CARMIL1: variants seen among roughly 807,000 people sequenced by gnomAD.
CARMIL1 encodes the protein capping protein regulator and myosin 1 linker 1.
A neutral mutation model predicts 177.1 loss-of-function variants in CARMIL1; 90 were observed. The observed-to-expected ratio is 0.51, with a 90% CI of 0.43 to 0.61. CARMIL1 has a LOEUF of 0.61. CARMIL1 is among the 20% of genes least tolerant of loss of function. The probability of loss-of-function intolerance (pLI) is 0.00; values close to 1 mark genes in which losing one functional copy is unlikely to be tolerated. For missense variants in CARMIL1, 1,380 were observed against 1,667.0 expected (o/e 0.83, Z 3.00); for synonymous variants, 577 against 606.2 (o/e 0.95, Z 0.71).
chr6:25,430,881 TTAA>T (rs1218145446), intron 4 of CARMIL1, among the ~76,000 whole-genome samples: 1 of 152,226 alleles, frequency 6.6e-6, no homozygotes, highest in Non-Finnish European at 1.5e-5. Flanking sequence ...AATAAAGTTG[TTAA>T]TAATATCCAC....
intron 2 of CARMIL1, among the ~76,000 whole-genome samples, chr6:25,372,834 C>T (rs1790556976): frequency 6.6e-6 from 1 of 152,132 alleles, no homozygotes; most frequent in Non-Finnish European, 1.5e-5. Context: ...TTCTGAAGGG[C>T]AATGGTTTCA....
intron 2 of CARMIL1, among the ~76,000 whole-genome samples, chr6:25,408,539 A>G (rs1341530717): frequency 1.3e-5 from 2 of 151,992 alleles, no homozygotes; most frequent in Admixed American, 6.6e-5. Flanking sequence ...CCTTATGACA[A>G]CCTCCAGTGA....
chr6:25,595,968 C>T (rs944449998), intron 32 of CARMIL1, among the ~76,000 whole-genome samples: 1 of 152,128 alleles, frequency 6.6e-6, no homozygotes, highest in Non-Finnish European at 1.5e-5. Context: ...GAGAAAATCT[C>T]GACTCATCTC....
chr6:25,279,882 C>T lies in CARMIL1; in HGVS notation c.40+47C>T, dbSNP rs369908647. 399 of 1,596,694 alleles carry T rather than the reference C, an allele frequency of 2.5e-4. No homozygotes were observed. The African/African-American group carries it at 4.1e-3, about 17-fold the overall frequency. Reference sequence around the variant, plus strand: ...GTTTTCCACCTTCCTCTGCGTACTCCTCACCTCTCTCTCCCTTCCCACCTC... The same window carrying T: ...GTTTTCCACCTTCCTCTGCGTACTCTTCACCTCTCTCTCCCTTCCCACCTC... On this transcript the variant is annotated intron_variant, in intron 1 of 36. Transcript: ENST00000329474.
intron 23 of CARMIL1, among the ~76,000 whole-genome samples, chr6:25,522,923 T>A (rs1280877939): frequency 6.6e-6 from 1 of 152,082 alleles, no homozygotes; most frequent in African/African-American, 2.4e-5. Context: ...GATCCTCCCA[T>A]CTCAACCAGG....
At chr6:25,596,125 T>A (rs1177548602) in intron 32 of CARMIL1, among the ~76,000 whole-genome samples, 1 of 152,196 alleles carries the variant, frequency 6.6e-6, no homozygotes, top group African/African-American at 2.4e-5. Context: ...TAATGCTAGT[T>A]TCTTCTTTAA....
chr6:25,283,036 T>C (rs1781262109), intron 1 of CARMIL1, among the ~76,000 whole-genome samples: 1 of 152,120 alleles, frequency 6.6e-6, no homozygotes, highest in Non-Finnish European at 1.5e-5. Flanking sequence ...GAGGGGACTG[T>C]ATTTTGGAGG....
intron 29 of CARMIL1, among the ~76,000 whole-genome samples, chr6:25,570,166 G>A (rs1404016357): frequency 1.3e-5 from 2 of 152,122 alleles, no homozygotes; most frequent in Admixed American, 6.5e-5. Flanking sequence ...GGGTTTCACC[G>A]TGTTAGCCAG....
Position 25,509,772 on chromosome 6 carries a change from TA to T in CARMIL1, c.1477+36del, listed in dbSNP as rs1173681868. ...ATATTGAAAAGAAATGAAACTGAAA[TA>T]TTTTTTGAAGCAAGTTAATAAGGGG... On this transcript the variant is annotated intron_variant, in intron 18 of 36. Transcript: ENST00000329474. This position sits in a 1 kb window ranked among gnomAD's most constrained non-coding sequence, Gnocchi z 4.1. 10 of 1,409,258 alleles carry T rather than the reference TA, an allele frequency of 7.1e-6. No homozygotes were observed. In the African/African-American group the frequency reaches 7.1e-5, roughly 10 times the overall value. The allele number at this position is 1,409,258 out of a possible 1,614,324, so 87.3% of individuals were successfully genotyped here. A position where few individuals can be genotyped will look rare whatever the true frequency, so the allele number is the denominator to read the frequency against.
At chr6:25,466,111 A>C (rs1172175298) in intron 9 of CARMIL1, among the ~76,000 whole-genome samples, 163 bp downstream of exon 9, 3 of 152,344 alleles carry the variant, frequency 2.0e-5, no homozygotes, top group African/African-American at 7.2e-5. Flanking sequence ...CATTTAGTCA[A>C]ATTTGTAATG....
At chr6:25,535,261 G>A (rs1808169888) in intron 24 of CARMIL1, among the ~76,000 whole-genome samples, 1 of 152,192 alleles carries the variant, frequency 6.6e-6, no homozygotes, top group Admixed American at 6.5e-5. Flanking sequence ...CAGGAAAGGA[G>A]GTCAAGGACT....
chr6:25,368,324 AAACC>A (rs1790054104), intron 2 of CARMIL1, among the ~76,000 whole-genome samples: 1 of 152,232 alleles, frequency 6.6e-6, no homozygotes, highest in African/African-American at 2.4e-5. Flanking sequence ...TGAATTACTT[AAACC>A]ACACTTTTTC....
intron 2 of CARMIL1, among the ~76,000 whole-genome samples, chr6:25,394,770 T>C (rs1230359974): frequency 6.6e-6 from 1 of 152,218 alleles, no homozygotes; most frequent in Admixed American, 6.5e-5. Context: ...AAAAGAAACA[T>C]TTATACATTA....
At chr6:25,291,741 A>C (rs928129594) in intron 2 of CARMIL1, among the ~76,000 whole-genome samples, 2 of 152,160 alleles carry the variant, frequency 1.3e-5, no homozygotes, top group Non-Finnish European at 2.9e-5. Flanking sequence ...AAACCTAATC[A>C]CTGATTTCAG....
chr6:25,451,179 G>A (rs1409173051), intron 8 of CARMIL1, among the ~76,000 whole-genome samples: 1 of 151,652 alleles, frequency 6.6e-6, no homozygotes, highest in Admixed American at 6.6e-5. Context: ...ACTTGTGGAG[G>A]TCCACAGTGC....
chr6:25,516,493 C>G (rs927868608), intron 21 of CARMIL1, among the ~76,000 whole-genome samples: 1 of 152,154 alleles, frequency 6.6e-6, no homozygotes, highest in South Asian at 2.1e-4. Context: ...AGGGCTCTTT[C>G]ATGATGTTTT....
chr6:25,351,596 G>A (rs147571180), intron 2 of CARMIL1, among the ~76,000 whole-genome samples: 18 of 152,292 alleles, frequency 1.2e-4, no homozygotes, highest in African/African-American at 4.3e-4. Context: ...AGTTGGATGC[G>A]AGGTTGCCTT....
intron 8 of CARMIL1, 120 bp downstream of exon 8, chr6:25,450,831 TTCCCTCCC>T: frequency 2.9e-6 from 1 of 342,346 alleles, no homozygotes. Flanking sequence ...TTCCCTCCCC[TTCCCTCCC>T]CTCCCCTTCC....
Position 25,488,501 on chromosome 6 carries a change from GTCAC to G in CARMIL1, c.985_988del (p.Leu329ValfsTer5). On this transcript the variant is annotated frameshift_variant, in exon 13 of 37. Transcript: ENST00000329474. LOFTEE classifies it high-confidence loss of function. ...TTGCAGGGGTGAACAGCCTTTCTCAGTCACTCAGTGCCAATCCATTGACCGCCTC... is the reference window on the plus strand; with the variant it reads ...TTGCAGGGGTGAACAGCCTTTCTCAGTCAGTGCCAATCCATTGACCGCCTC... The G allele has an allele frequency of 6.2e-7, 1 of 1,613,996 alleles. No homozygotes were observed. The highest frequency in any genetic ancestry group is 8.5e-7 in the Non-Finnish European group (1 of 1,179,870).
Sources: allele counts gnomAD v4.1 joint callset (sites outside exome capture counted in the v4.1 genomes callset), GRCh38; gene constraint gnomAD v4.1.1; non-coding constraint Gnocchi (gnomAD v3.1); transcripts MANE v1.5; gene names NCBI Gene and HGNC (gene_info 2026-07-23, HGNC 2026-07-21).